The following OR6N1 variants were observed in gnomAD, a reference collection of about 807,000 sequenced individuals.
The protein encoded by OR6N1 is olfactory receptor 6N1.
For synonymous variants in OR6N1, 170 were observed against 150.7 expected, an observed-to-expected ratio of 1.13 and a Z score of -0.94; for missense variants, 394 against 371.7, an observed-to-expected ratio of 1.06 and a Z score of -0.49.
the OR6N1 span, among the ~76,000 whole-genome samples, chr1:158,827,484 A>G: frequency 6.6e-6 from 1 of 152,294 alleles, no homozygotes; most frequent in Non-Finnish European, 1.5e-5. Flanking sequence ...TTGATAACTA[A>G]TACTTGAGAT....
chr1:158,805,663 GA>G, the OR6N1 span, among the ~76,000 whole-genome samples: 792 of 151,792 alleles, frequency 5.2e-3, 5 homozygotes, highest in African/African-American at 0.018. Context: ...GGTCTCAAGA[GA>G]AAAAAAAGAA....
the OR6N1 span, among the ~76,000 whole-genome samples, chr1:158,789,652 T>G: frequency 2.0e-5 from 3 of 152,246 alleles, no homozygotes; most frequent in African/African-American, 7.2e-5. Context: ...AAATATCCAT[T>G]CAGATTTTTT....
chr1:158,813,991 T>G, the OR6N1 span, among the ~76,000 whole-genome samples: 1 of 152,176 alleles, frequency 6.6e-6, no homozygotes, highest in Non-Finnish European at 1.5e-5. Context: ...TGAGTCACCA[T>G]GCCTAGCCAG....
the OR6N1 span, among the ~76,000 whole-genome samples, chr1:158,808,160 C>T: frequency 8.9e-5 from 9 of 100,792 alleles, no homozygotes; most frequent in East Asian, 3.3e-4. Context: ...TTTTTTAAGA[C>T]GGAGTCTTGC....
At chr1:158,817,462 T>C in the OR6N1 span, among the ~76,000 whole-genome samples, 1 of 152,198 alleles carries the variant, frequency 6.6e-6, no homozygotes. Flanking sequence ...ATTCCCCATT[T>C]ATGCTATTTT....
At chr1:158,805,438 A>G in the OR6N1 span, among the ~76,000 whole-genome samples, 7 of 152,184 alleles carry the variant, frequency 4.6e-5, no homozygotes, top group Admixed American at 1.3e-4. Flanking sequence ...AAGTGATGGT[A>G]TCTGTAGGAC....
the OR6N1 span, among the ~76,000 whole-genome samples, chr1:158,789,500 T>A: frequency 6.6e-6 from 1 of 152,300 alleles, no homozygotes; most frequent in Middle Eastern, 3.4e-3. Context: ...CTCATCCATT[T>A]TACCCTCTCT....
At chr1:158,771,704 C>T (rs964184109) in intron 1 of OR6N1, among the ~76,000 whole-genome samples, 16 of 152,156 alleles carry the variant, frequency 1.1e-4, no homozygotes, top group African/African-American at 3.9e-4. Flanking sequence ...GATTATCACA[C>T]TCAACGTCTT....
chr1:158,790,606 G>T, the OR6N1 span, among the ~76,000 whole-genome samples: 2 of 151,930 alleles, frequency 1.3e-5, no homozygotes, highest in Middle Eastern at 3.4e-3. Flanking sequence ...GGGTTTCACC[G>T]TGTTAGCCAG....
the OR6N1 span, among the ~76,000 whole-genome samples, chr1:158,814,301 C>A: frequency 6.6e-6 from 1 of 152,056 alleles, no homozygotes; most frequent in Non-Finnish European, 1.5e-5. Flanking sequence ...TATATGTGCA[C>A]ACCTGTGTGT....
At chr1:158,824,573 G>A in the OR6N1 span, among the ~76,000 whole-genome samples, 1 of 151,972 alleles carries the variant, frequency 6.6e-6, no homozygotes, top group East Asian at 1.9e-4. Flanking sequence ...TTTCTTCTAG[G>A]CCCATTTGAA....
At chr1:158,819,189 C>T in the OR6N1 span, among the ~76,000 whole-genome samples, 1 of 152,174 alleles carries the variant, frequency 6.6e-6, no homozygotes, top group Non-Finnish European at 1.5e-5. Flanking sequence ...GTTTTCTCCT[C>T]TTTCTCGCTC....
chr1:158,766,640 A>C lies in OR6N1; in HGVS notation c.43T>G (p.Leu15Val), dbSNP rs762833396. 1 of 1,613,374 alleles carries C rather than the reference A, an allele frequency of 6.2e-7. No homozygotes were observed. The highest frequency in any genetic ancestry group is 1.3e-5 in the African/African-American group (1 of 74,940). The change falls in exon 2 of 2, where the codon TTG (leucine) becomes GTG (valine). Residue 15 changes from leucine (L) to valine (V), a missense_variant. Leu to Val is a conservative substitution (Grantham distance 32). Coordinates refer to ENST00000641846, the MANE Select transcript of OR6N1 (RefSeq NM_001005185.2). ...NWSQVAEFII[L>V]GFPHLQGVQI... is the part of the protein sequence containing the mutation. ...ACACCCTGGAGATGGGGGAAGCCCA[A>C]GATGATGAATTCTGCTACCTGGCTC...
Position 158,766,410 on chromosome 1 carries a change from G to C in OR6N1, c.273C>G (p.Thr91=). 6.2e-7 allele frequency: 1 copy of C among 1,614,118 alleles called. No homozygotes were observed. The highest frequency in any genetic ancestry group is 1.7e-5 in the Admixed American group (1 of 60,010). The stretch of plus-strand genomic sequence containing the variant: ...GCAGGAGACACCCAGAGAATGAAAT[G>C]GTCTTTTTCTCACTGAGCAAGTTTG... ...MLANLLSEKK[T]ISFSGCLLQI... The change falls in exon 2 of 2, where the codon ACC becomes ACG. Residue 91 remains threonine, a synonymous_variant. Transcript: ENST00000641846.
chr1:158,776,406 C>A (rs569037693), upstream of OR6N1: 23 of 260,628 alleles, frequency 8.8e-5, no homozygotes, highest in East Asian at 1.2e-3. Flanking sequence ...ACAGAGAAAT[C>A]GATCTCTAGC....
At chr1:158,787,600 CTCTCTCTA>C in the OR6N1 span, among the ~76,000 whole-genome samples, 2 of 130,842 alleles carry the variant, frequency 1.5e-5, no homozygotes, top group Non-Finnish European at 3.1e-5. Flanking sequence ...CTCTCTCTCT[CTCTCTCTA>C]TCTATCTCTC....
chr1:158,833,028 C>G, the OR6N1 span, among the ~76,000 whole-genome samples: 51 of 152,246 alleles, frequency 3.3e-4, 1 homozygote, highest in East Asian at 8.7e-3. Flanking sequence ...TCCTTAAAGA[C>G]AAGCCCCTTA....
the OR6N1 span, among the ~76,000 whole-genome samples, chr1:158,813,538 A>C: frequency 6.6e-6 from 1 of 152,082 alleles, no homozygotes; most frequent in Non-Finnish European, 1.5e-5. Context: ...GAAAAATGGA[A>C]AGACTGTAAG....
chr1:158,764,499 G>T lies in OR6N1; in HGVS notation c.*1245C>A, dbSNP rs1249899295. ...ACACTGCATCTGATATATAGTAAGA[G>T]CTAAATAAACGTGTTAATTTGAATG... On this transcript the variant is annotated 3_prime_UTR_variant, in exon 2 of 2. Coordinates refer to ENST00000641846, the MANE Select transcript of OR6N1 (RefSeq NM_001005185.2). 1 of 152,110 alleles carries T rather than the reference G, an allele frequency of 6.6e-6. No individual in the cohort carries two copies. Among genetic ancestry groups the T allele is most frequent in the East Asian group, 1.9e-4 (1 of 5,180 alleles). The allele number at this position is 152,110 out of a possible 1,614,324, so 9.4% of individuals were successfully genotyped here.
Sources: allele counts gnomAD v4.1 joint callset (sites outside exome capture counted in the v4.1 genomes callset), GRCh38; gene constraint gnomAD v4.1.1; transcripts MANE v1.5; gene names NCBI Gene and HGNC (gene_info 2026-07-23, HGNC 2026-07-21).